GOLIM4: variants seen among roughly 807,000 people sequenced by gnomAD.
The protein encoded by GOLIM4 is golgi integral membrane protein 4, also known as 130 kDa golgi-localized phosphoprotein.
GOLIM4 carries 71 observed loss-of-function variants against 107.4 expected under a neutral mutation model. The ratio of observed to expected loss-of-function variants is 0.66; its 90% confidence interval spans 0.55 to 0.81. GOLIM4 has a LOEUF of 0.81. GOLIM4 is among the 30% of genes least tolerant of loss of function. GOLIM4 has a pLI of 0.00. For missense variants in GOLIM4, 830 were observed against 826.1 expected, an observed-to-expected ratio of 1.00 and a Z score of -0.06; for synonymous variants, 327 against 294.8, an observed-to-expected ratio of 1.11 and a Z score of -1.12.
At chr3:168,058,583 AATAAATACACGTTGTGAG>A (rs1273480895) in intron 1 of GOLIM4, among the ~76,000 whole-genome samples, 5 of 152,210 alleles carry the variant, frequency 3.3e-5, no homozygotes, top group African/African-American at 1.2e-4. Context: ...GCTTATAACA[AATAAATACACGTTGTGAG>A]AAGAGGCTAA....
intron 14 of GOLIM4, among the ~76,000 whole-genome samples, chr3:168,019,901 A>T (rs1403177003): frequency 3.9e-5 from 6 of 152,064 alleles, no homozygotes; most frequent in Admixed American, 1.3e-4. Flanking sequence ...TCATCTAGTA[A>T]CATCATTCAT....
chr3:168,050,215 G>T (rs991510728), intron 1 of GOLIM4, among the ~76,000 whole-genome samples: 1 of 152,082 alleles, frequency 6.6e-6, no homozygotes, highest in African/African-American at 2.4e-5. Flanking sequence ...GTAAAACTGG[G>T]ATAAAAATAG....
At chr3:168,046,464 G>A (rs1325338136) in intron 3 of GOLIM4, among the ~76,000 whole-genome samples, 2 of 152,182 alleles carry the variant, frequency 1.3e-5, no homozygotes, top group Non-Finnish European at 2.9e-5. Flanking sequence ...CGCAGTGTCT[G>A]TGTCCCTGGG....
intron 1 of GOLIM4, among the ~76,000 whole-genome samples, chr3:168,094,797 G>A (rs902776902): frequency 2.0e-5 from 3 of 152,194 alleles, no homozygotes; most frequent in Non-Finnish European, 4.4e-5. Flanking sequence ...ATTGCAGCTG[G>A]GCCTTTGACA....
intron 1 of GOLIM4, among the ~76,000 whole-genome samples, chr3:168,078,730 GTTGTTA>G (rs1721190076): frequency 6.6e-6 from 1 of 152,108 alleles, no homozygotes; most frequent in South Asian, 2.1e-4. Flanking sequence ...TGGTGGGTCT[GTTGTTA>G]TTGTATTTTT....
chr3:168,049,747 C>G (rs963292207), intron 1 of GOLIM4, among the ~76,000 whole-genome samples: 2 of 152,148 alleles, frequency 1.3e-5, no homozygotes, highest in Non-Finnish European at 2.9e-5. Flanking sequence ...AAGGGATTCC[C>G]TGCCTCTCTT....
chr3:168,091,994 C>T (rs1402628088), intron 1 of GOLIM4, among the ~76,000 whole-genome samples: 2 of 152,184 alleles, frequency 1.3e-5, no homozygotes, highest in Non-Finnish European at 2.9e-5. Flanking sequence ...TGGCTGCACA[C>T]AGGAATCACC....
At chr3:168,069,573 G>A (rs1357546735) in intron 1 of GOLIM4, among the ~76,000 whole-genome samples, 3 of 152,158 alleles carry the variant, frequency 2.0e-5, no homozygotes, top group Non-Finnish European at 4.4e-5. Context: ...GAGACCAGAA[G>A]CCATATGGGT....
At chr3:168,025,814 A>G (rs1046953250) in intron 12 of GOLIM4, among the ~76,000 whole-genome samples, 3 of 152,204 alleles carry the variant, frequency 2.0e-5, no homozygotes, top group African/African-American at 7.2e-5. Flanking sequence ...ACTGTGCTCA[A>G]CAAAGGCCCT....
chr3:168,078,236 A>T (rs1319987122), intron 1 of GOLIM4, among the ~76,000 whole-genome samples: 2 of 152,210 alleles, frequency 1.3e-5, no homozygotes, highest in East Asian at 3.8e-4. Flanking sequence ...ATAAAAAATT[A>T]AATAGGACAT....
chr3:168,089,837 G>C (rs1721818476), intron 1 of GOLIM4, among the ~76,000 whole-genome samples: 1 of 151,076 alleles, frequency 6.6e-6, no homozygotes, highest in African/African-American at 2.4e-5. Flanking sequence ...GGGGTGACTG[G>C]GCTCACTGCA....
At chr3:168,095,065 T>C (rs764998203) in intron 1 of GOLIM4, 34 bp downstream of exon 1, 3 of 1,552,910 alleles carry the variant, frequency 1.9e-6, no homozygotes, top group South Asian at 2.3e-5. Flanking sequence ...GGGGCAAAGT[T>C]GGCCACCGGC....
chr3:168,025,981 T>C (rs1156903731), intron 12 of GOLIM4, among the ~76,000 whole-genome samples: 1 of 152,182 alleles, frequency 6.6e-6, no homozygotes, highest in Non-Finnish European at 1.5e-5. Context: ...TCGCAGGTCA[T>C]CAATAGGACA....
chr3:168,041,624 T>C (rs528946262), intron 5 of GOLIM4, 150 bp from the exon 6 acceptor site: 21 of 557,452 alleles, frequency 3.8e-5, no homozygotes, highest in Middle Eastern at 4.7e-4. Context: ...AAAAATGATA[T>C]TGTATTGGGA....
At chr3:168,015,873 C>T (rs1201264181) in intron 14 of GOLIM4, among the ~76,000 whole-genome samples, 1 of 133,038 alleles carries the variant, frequency 7.5e-6, no homozygotes, top group Non-Finnish European at 1.5e-5. Context: ...TTCCTTACAC[C>T]TTATACAAAA....
At chr3:168,060,065 A>G (rs1038081068) in intron 1 of GOLIM4, among the ~76,000 whole-genome samples, 3 of 151,226 alleles carry the variant, frequency 2.0e-5, no homozygotes, top group African/African-American at 4.9e-5. Context: ...AGAACTTGGG[A>G]TTTTACTCTT....
At position 168,032,654 on chromosome 3, in the gene GOLIM4, T is replaced by C. The variant is rs760076177; in HGVS notation, c.1042A>G (p.Met348Val). 3.1e-6 allele frequency: 5 copies of C among 1,614,040 alleles called. No homozygotes were observed. Among genetic ancestry groups the C allele is most frequent in the Admixed American group, 1.7e-5 (1 of 60,008 alleles). ...EHRKALEEEE[M>V]EQVGQAEHLE... ...TGTTCTGCTTGCCCGACCTGCTCCA[T>C]TTCTTCCTCCTCCAGGGCCTTTCTG... Residue 348 changes from methionine (M) to valine (V), a missense_variant, in exon 9 of 16, where the codon ATG (methionine) becomes GTG (valine). By Grantham distance (21) the Met-to-Val change is conservative (BLOSUM62 1). Coordinates refer to ENST00000470487, the MANE Select transcript of GOLIM4 (RefSeq NM_014498.5).
chr3:168,019,403 T>C (rs566252023), intron 14 of GOLIM4, among the ~76,000 whole-genome samples: 51 of 152,350 alleles, frequency 3.3e-4, no homozygotes, highest in African/African-American at 1.2e-3. Context: ...AAACAACTTA[T>C]ATAATCATAC....
At chr3:168,029,365 G>T in intron 10 of GOLIM4, 63 bp from the exon 11 acceptor site, 2 of 1,014,816 alleles carry the variant, frequency 2.0e-6, no homozygotes, top group Non-Finnish European at 3.0e-6. Flanking sequence ...GTTTGACATA[G>T]GTCATTTATC....
Sources: allele counts gnomAD v4.1 joint callset (sites outside exome capture counted in the v4.1 genomes callset), GRCh38; gene constraint gnomAD v4.1.1; transcripts MANE v1.5; gene names NCBI Gene and HGNC (gene_info 2026-07-23, HGNC 2026-07-21).